ADAMTS14: variants seen among roughly 807,000 people sequenced by gnomAD.
ADAMTS14 encodes the protein ADAM metallopeptidase with thrombospondin type 1 motif 14, also known as A disintegrin and metalloproteinase with thrombospondin motifs 14.
A neutral mutation model predicts 128.6 loss-of-function variants in ADAMTS14; 100 were observed. The ratio of observed to expected loss-of-function variants is 0.78; its 90% CI spans 0.66 to 0.92. The LOEUF is 0.92. Among genes scored for constraint, ADAMTS14 ranks in the 40% least tolerant of loss-of-function variants. The pLI is 0.00. For synonymous variants in ADAMTS14, 665 were observed against 653.8 expected, an observed-to-expected ratio of 1.02 and a Z score of -0.26; for missense variants, 1,562 against 1,658.6, an observed-to-expected ratio of 0.94 and a Z score of 1.01.
chr10:70,672,931 C>T (rs923204910), intron 1 of ADAMTS14, 47 bp downstream of exon 1: 19 of 1,404,474 alleles, frequency 1.4e-5, no homozygotes, highest in Middle Eastern at 2.6e-4. Flanking sequence ...CCGGGGTGCA[C>T]GCGGTCAGGG....
Position 70,743,619 on chromosome 10 carries a change from C to T in ADAMTS14, c.1996C>T (p.His666Tyr), listed in dbSNP as rs1842073322. 4 of 1,612,356 alleles carry T rather than the reference C, an allele frequency of 2.5e-6. No individual in the cohort carries two copies. Among genetic ancestry groups the T allele is most frequent in the Non-Finnish European group, 3.4e-6 (4 of 1,179,556 alleles). ...GDVVFMNQVV[H>Y]DGTRCSYRDP... is the part of the protein sequence containing the mutation. ...CGTGGTGTTCATGAACCAGGTGGTT[C>T]ACGATGGGACACGCTGCAGCTACCG... is the stretch of plus-strand genomic sequence containing the variant. Residue 666 changes from histidine to tyrosine, a missense_variant, in exon 13 of 22, where the codon CAC becomes TAC. His to Tyr is a moderately conservative substitution (Grantham distance 83). Coordinates refer to ENST00000373207, the MANE Select transcript of ADAMTS14 (RefSeq NM_080722.4).
intron 19 of ADAMTS14, among the ~76,000 whole-genome samples, chr10:70,757,322 C>T (rs1842500182): frequency 1.3e-5 from 2 of 152,150 alleles, no homozygotes; most frequent in Admixed American, 6.5e-5. Context: ...GAAGAAGACA[C>T]TTTTGAACAT....
In ADAMTS14 at chr10:70,690,742, G is replaced by C. The variant is rs147836878; in HGVS notation, c.523-11570G>C. On this transcript the variant is annotated intron_variant, in intron 2 of 21. Transcript: ENST00000373207. The stretch of plus-strand genomic sequence containing the variant: ...TGCCAAGGGTGCAGCACCTTGCCCA[G>C]TGCTGCTCACTGTCAGCTGGTGTGC... 9.8e-3 allele frequency among the ~76,000 whole-genome samples: 1,417 copies of C among 145,318 alleles called. 97 individuals carry two copies. The highest frequency in any genetic ancestry group is 0.033 in the African/African-American group (1,362 of 41,056).
chr10:70,672,865 C>A lies in ADAMTS14; in HGVS notation c.63C>A (p.Ala21=). The A allele has an allele frequency of 6.7e-7, 1 of 1,501,814 alleles. No homozygotes were observed. The highest frequency in any genetic ancestry group is 8.8e-7 in the Non-Finnish European group (1 of 1,131,204). 93.0% of individuals were successfully genotyped at this position (1,501,814 alleles called of 1,614,324 possible). The change falls in exon 1 of 22, where the codon GCC becomes GCA. Residue 21 remains alanine (A), a synonymous_variant. Transcript: ENST00000373207. ...CTTTGCACTGTGCGCTCTGCGCCGC[C>A]GCGGGCAGCCGGACCCCAGGTGCGT... ...LLPLHCALCA[A]AGSRTPELHL...
At chr10:70,724,438 C>A (rs1260160395) in intron 4 of ADAMTS14, among the ~76,000 whole-genome samples, 1 of 152,230 alleles carries the variant, frequency 6.6e-6, no homozygotes, top group Non-Finnish European at 1.5e-5. Flanking sequence ...CCTGGCCTCA[C>A]CTCTGGTGTT....
At position 70,741,034 on chromosome 10, in the gene ADAMTS14, A is replaced by G; in HGVS notation, c.1796A>G (p.Gln599Arg). ...TGCTTAGGGCCCATGTTCGAGTACC[A>G]GGTCTGCAACAGCGAGGAGTGCCCT... ...RLCLGPMFEY[Q>R]VCNSEECPGT... The change falls in exon 12 of 22, where the codon CAG becomes CGG. Residue 599 changes from glutamine (Q) to arginine (R), a missense_variant. Gln to Arg is a conservative substitution (Grantham distance 43). Coordinates refer to ENST00000373207, the MANE Select transcript of ADAMTS14 (RefSeq NM_080722.4). The G allele has an allele frequency of 1.2e-6, 2 of 1,614,106 alleles. No homozygotes were observed. The highest frequency in any genetic ancestry group is 1.7e-6 in the Non-Finnish European group (2 of 1,180,016).
At chr10:70,741,669 G>A (rs1842005042) in intron 12 of ADAMTS14, among the ~76,000 whole-genome samples, 2 of 152,178 alleles carry the variant, frequency 1.3e-5, no homozygotes, top group Non-Finnish European at 2.9e-5. Context: ...GATTTTGGAA[G>A]GCACGCAGAT....
chr10:70,692,936 G>A (rs1331402438), intron 2 of ADAMTS14, among the ~76,000 whole-genome samples: 1 of 152,168 alleles, frequency 6.6e-6, no homozygotes, highest in African/African-American at 2.4e-5. Flanking sequence ...CTGGGGCTGG[G>A]CAATTTATAA....
chr10:70,710,673 C>G (rs1006639694), intron 4 of ADAMTS14, among the ~76,000 whole-genome samples: 1 of 152,194 alleles, frequency 6.6e-6, no homozygotes, highest in Admixed American at 6.5e-5. Context: ...GGGCGAGTTA[C>G]GAACCCTCTG....
chr10:70,681,097 C>T (rs1398797160), intron 2 of ADAMTS14, among the ~76,000 whole-genome samples: 1 of 152,204 alleles, frequency 6.6e-6, no homozygotes, highest in East Asian at 1.9e-4. Flanking sequence ...GCCCTCTGCC[C>T]CTGTATTCCA....
chr10:70,732,621 G>A (rs1055860279), intron 7 of ADAMTS14, among the ~76,000 whole-genome samples: 2 of 152,232 alleles, frequency 1.3e-5, no homozygotes, highest in African/African-American at 4.8e-5. Context: ...GGCCATAGGG[G>A]ACCAGATGTG....
At chr10:70,694,181 C>T (rs1840268972) in intron 2 of ADAMTS14, among the ~76,000 whole-genome samples, 1 of 152,230 alleles carries the variant, frequency 6.6e-6, no homozygotes. Context: ...CTCGCTGACT[C>T]CCGCTTCCGT....
intron 4 of ADAMTS14, among the ~76,000 whole-genome samples, chr10:70,714,147 T>C (rs1840944638): frequency 6.6e-6 from 1 of 152,078 alleles, no homozygotes; most frequent in Non-Finnish European, 1.5e-5. Context: ...GAGCTATGAT[T>C]GTGCCGCTGC....
intron 4 of ADAMTS14, among the ~76,000 whole-genome samples, chr10:70,723,984 C>T (rs1427478589): frequency 6.6e-6 from 1 of 152,206 alleles, no homozygotes; most frequent in Non-Finnish European, 1.5e-5. Context: ...CTCTCTGAAC[C>T]TTGGATGTCT....
chr10:70,694,476 C>T (rs1227757691), intron 2 of ADAMTS14, among the ~76,000 whole-genome samples: 1 of 152,156 alleles, frequency 6.6e-6, no homozygotes, highest in Non-Finnish European at 1.5e-5. Context: ...CAACTGTAGA[C>T]CATTTTCATC....
intron 3 of ADAMTS14, among the ~76,000 whole-genome samples, chr10:70,703,575 G>C (rs1198490726): frequency 6.6e-6 from 1 of 152,192 alleles, no homozygotes; most frequent in Non-Finnish European, 1.5e-5. Flanking sequence ...TGGATTTCAG[G>C]GCACCCTTCT....
In ADAMTS14 at chr10:70,725,828, C is replaced by G. The variant is rs373178660; in HGVS notation, c.871-3466C>G. Among the ~76,000 whole-genome samples, 19 of 152,292 alleles carry G rather than the reference C, an allele frequency of 1.2e-4. No homozygotes were observed. In the East Asian group the frequency reaches 2.7e-3, roughly 22 times the overall value. ...CCCCACGTGGCTCATGCCTTCCTCT[C>G]CCCTGCTGCAAGCCTCTGCCCCTCT... On this transcript the variant is annotated intron_variant, in intron 4 of 21. Coordinates refer to ENST00000373207, the MANE Select transcript of ADAMTS14 (RefSeq NM_080722.4).
rs746336683 is a variant in ADAMTS14 at position 70,675,004 on chromosome 10, TGA to T, written c.522+12_522+13del. On this transcript the variant is annotated intron_variant, in intron 2 of 21. Transcript: ENST00000373207. ...GCAACTGTGACGGATTGGTAAGGGA[TGA>T]GACTTTCATTAAGCTGCATCCTCCC... 3 of 1,609,236 alleles carry T rather than the reference TGA, an allele frequency of 1.9e-6. No homozygotes were observed. In the South Asian group the frequency reaches 3.3e-5, roughly 18 times the overall value.
At chr10:70,679,007 G>C (rs1839725604) in intron 2 of ADAMTS14, among the ~76,000 whole-genome samples, 1 of 152,226 alleles carries the variant, frequency 6.6e-6, no homozygotes, top group South Asian at 2.1e-4. Context: ...GGAGGGGAAA[G>C]AGAAAGATCC....
Sources: allele counts gnomAD v4.1 joint callset (sites outside exome capture counted in the v4.1 genomes callset), GRCh38; gene constraint gnomAD v4.1.1; transcripts MANE v1.5; gene names NCBI Gene and HGNC (gene_info 2026-07-23, HGNC 2026-07-21).